CDH3: variants seen among roughly 807,000 people sequenced by gnomAD.
CDH3 encodes cadherin-3.
In CDH3, 54 loss-of-function variants were observed where a neutral mutation model predicts 82.0. The ratio of observed to expected loss-of-function variants is 0.66; its 90% CI spans 0.53 to 0.83. The LOEUF is 0.83. Among genes scored for constraint, CDH3 ranks in the 40% least tolerant of loss-of-function variants. The pLI is 0.00. For missense variants in CDH3, 1,054 were observed against 1,084.6 expected (o/e 0.97, Z 0.40); for synonymous variants, 446 against 437.9 (o/e 1.02, Z -0.23).
chr16:68,678,945 C>T (rs377177844), intron 6 of CDH3, 39 bp downstream of exon 6: 35 of 1,606,282 alleles, frequency 2.2e-5, no homozygotes, highest in Non-Finnish European at 2.9e-5. Flanking sequence ...GGGGCTGGGC[C>T]CACACCCTTA....
At chr16:68,728,804 A>G (rs1435694609), downstream of CDH3, among the ~76,000 whole-genome samples, 2 of 152,168 alleles carry the variant, frequency 1.3e-5, no homozygotes, top group African/African-American at 4.8e-5. Flanking sequence ...ACACCTACAG[A>G]AGCTTAGCAT....
chr16:68,684,692 T>C lies in CDH3; in HGVS notation c.1292T>C (p.Val431Ala). The change falls in exon 10 of 16, where the codon GTG becomes GCG. Residue 431 changes from valine (V) to alanine (A), a missense_variant. By Grantham distance (64) the Val-to-Ala change is moderately conservative (BLOSUM62 0). Coordinates refer to ENST00000264012, the MANE Select transcript of CDH3 (RefSeq NM_001793.6). ...PTSTATIVVH[V>A]EDVNEAPVFV... ...TCCACAGCCACCATAGTGGTCCACG[T>C]GGAGGATGTGAATGAGGCACCTGTG... The C allele has an allele frequency of 6.2e-7, 1 of 1,614,224 alleles. No homozygotes were observed. Among genetic ancestry groups the C allele is most frequent in the African/African-American group, 1.3e-5 (1 of 75,064 alleles).
intron 7 of CDH3, 139 bp from the exon 8 acceptor site, chr16:68,680,829 G>T: frequency 1.1e-6 from 1 of 892,804 alleles, no homozygotes; most frequent in Non-Finnish European, 1.8e-6. Flanking sequence ...TGGGTGAGGG[G>T]TGGTCAAGGA....
intron 2 of CDH3, among the ~76,000 whole-genome samples, chr16:68,673,108 T>A (rs145828614): frequency 6.8e-4 from 103 of 152,346 alleles, no homozygotes; most frequent in Middle Eastern, 6.8e-3. Flanking sequence ...AGTGCTGTTA[T>A]GAACATTATA....
At chr16:68,723,110 A>G (rs1256048222) in intron 2 of CDH3, among the ~76,000 whole-genome samples, 7 of 151,494 alleles carry the variant, frequency 4.6e-5, no homozygotes, top group African/African-American at 7.3e-5. Flanking sequence ...TAAATGTATC[A>G]CATATATAAA....
At chr16:68,732,133 G>A (rs1049470761), downstream of CDH3, among the ~76,000 whole-genome samples, 4 of 148,338 alleles carry the variant, frequency 2.7e-5, no homozygotes, top group South Asian at 2.1e-4. Flanking sequence ...GCCAGTTCCC[G>A]CCCCTCCATG....
chr16:68,685,012 ACT>A (rs1008579687), intron 10 of CDH3, among the ~76,000 whole-genome samples, 188 bp downstream of exon 10: 27 of 151,944 alleles, frequency 1.8e-4, no homozygotes, highest in Admixed American at 1.8e-3. Flanking sequence ...GGTATTTCTC[ACT>A]CTGTCATGTA....
chr16:68,719,779 G>A (rs192805357), intron 1 of CDH3, among the ~76,000 whole-genome samples: 5 of 152,160 alleles, frequency 3.3e-5, no homozygotes, highest in Admixed American at 1.3e-4. Flanking sequence ...GATTGCAGGC[G>A]TGAGCCACCA....
At chr16:68,646,417 G>GA (rs1397050951) in intron 2 of CDH3, among the ~76,000 whole-genome samples, 1 of 152,052 alleles carries the variant, frequency 6.6e-6, no homozygotes, top group African/African-American at 2.4e-5. Context: ...GTTTGAGGGG[G>GA]ACAGTGTCCC....
In CDH3 at chr16:68,720,811, G is replaced by A. The variant is rs1460144001; in HGVS notation, c.100-1614G>A. On this transcript the variant is annotated intron_variant, in intron 1 of 2. Transcript: ENST00000569080. ...AATTTTTGTATTATTAGTAGAGATG[G>A]GTTTTACCATGTTAGCCAGGCTGGT... Among the ~76,000 whole-genome samples, 4 of 151,940 alleles carry A rather than the reference G, an allele frequency of 2.6e-5. No individual in the cohort carries two copies. In the South Asian group the frequency reaches 6.3e-4, roughly 24 times the overall value.
chr16:68,684,459 C>A, intron 9 of CDH3, 124 bp from the exon 10 acceptor site: 1 of 1,067,400 alleles, frequency 9.4e-7, no homozygotes, highest in Non-Finnish European at 1.4e-6. Flanking sequence ...GAAAGGGCAG[C>A]ACTGTTGCTA....
intron 2 of CDH3, among the ~76,000 whole-genome samples, chr16:68,660,978 AAAAAG>A (rs961854867): frequency 2.6e-5 from 4 of 151,998 alleles, no homozygotes; most frequent in African/African-American, 9.7e-5. Flanking sequence ...AAAAAAAAAA[AAAAAG>A]AAGAAAATTA....
chr16:68,645,855 C>A, intron 2 of CDH3, 105 bp downstream of exon 2: 1 of 851,920 alleles, frequency 1.2e-6, no homozygotes, highest in Admixed American at 2.5e-5. Context: ...CCTGGCGCCA[C>A]CTCAGTTCCC....
intron 2 of CDH3, among the ~76,000 whole-genome samples, chr16:68,676,157 C>G (rs754518737): frequency 3.0e-4 from 45 of 152,118 alleles, no homozygotes; most frequent in Admixed American, 4.6e-4. Flanking sequence ...AGAGTTTGAC[C>G]CACAAACTGA....
downstream of CDH3, among the ~76,000 whole-genome samples, chr16:68,704,301 AGG>A (rs1961934360): frequency 6.6e-6 from 1 of 151,430 alleles, no homozygotes; most frequent in South Asian, 2.1e-4. Context: ...AAAAAAAAAA[AGG>A]GTTAATATCT....
chr16:68,648,471 G>A (rs963239613), intron 2 of CDH3, among the ~76,000 whole-genome samples: 3 of 149,238 alleles, frequency 2.0e-5, no homozygotes, highest in African/African-American at 5.0e-5. Context: ...TTTTGAGATA[G>A]GGTATCGCTC....
rs376302917 is a variant in CDH3 at position 68,687,726 on chromosome 16, C to T, written c.1785C>T (p.Val595=). ...DDSDIYWTAE[V]NEEGDTVVLS... ...CAGACATCTACTGGACGGCAGAGGTCAACGAGGAAGGTACCTGAGTGAGTG... is the reference window on the plus strand; with the variant it reads ...CAGACATCTACTGGACGGCAGAGGTTAACGAGGAAGGTACCTGAGTGAGTG... Residue 595 remains valine, a synonymous_variant, in exon 12 of 16, where the codon GTC becomes GTT. Coordinates refer to ENST00000264012, the MANE Select transcript of CDH3 (RefSeq NM_001793.6). 165 of 1,613,446 alleles carry T rather than the reference C, an allele frequency of 1.0e-4. No homozygotes were observed. The African/African-American group carries it at 2.1e-3, about 20-fold the overall frequency.
At chr16:68,657,034 C>T (rs574729570) in intron 2 of CDH3, among the ~76,000 whole-genome samples, 8 of 152,242 alleles carry the variant, frequency 5.3e-5, no homozygotes, top group African/African-American at 1.9e-4. Flanking sequence ...CTTCCTCACT[C>T]GCTCCTCCTC....
chr16:68,645,475 G>T, intron 1 of CDH3, 51 bp downstream of exon 1: 2 of 1,596,680 alleles, frequency 1.3e-6, no homozygotes, highest in Non-Finnish European at 1.7e-6. Flanking sequence ...CCTGGGGGGC[G>T]GGCGGGGTCC....
Sources: allele counts gnomAD v4.1 joint callset (sites outside exome capture counted in the v4.1 genomes callset), GRCh38; gene constraint gnomAD v4.1.1; transcripts MANE v1.5; gene names NCBI Gene and HGNC (gene_info 2026-07-23, HGNC 2026-07-21).